Variants in SUFU observed in about 807,000 individuals in gnomAD.
SUFU encodes SUFU negative regulator of hedgehog signaling.
SUFU carries 7 observed loss-of-function variants against 58.9 expected under a neutral mutation model. That is an observed-to-expected ratio of 0.12 (90% CI 0.07 to 0.22). The LOEUF (loss-of-function observed/expected upper bound fraction) is 0.22. Ranked by LOEUF, SUFU falls within the 10% of genes least tolerant of loss-of-function variation. The pLI is 1.00. For missense variants in SUFU, 451 were observed against 641.3 expected, an observed-to-expected ratio of 0.70 and a Z score of 3.20; for synonymous variants, 232 against 254.8, an observed-to-expected ratio of 0.91 and a Z score of 0.85.
At position 102,544,149 on chromosome 10, in the gene SUFU, A is replaced by G. The variant is rs2062831230; in HGVS notation, c.318-5821A>G. On this transcript the variant is annotated intron_variant, in intron 2 of 11. Transcript: ENST00000369902. ...TATACAGACTTCAAGTTCTAGCTCT[A>G]TCACTTGTTCTGTGATTTATGGACT... Among the ~76,000 whole-genome samples, 3 of 152,164 alleles carry G rather than the reference A, an allele frequency of 2.0e-5. No homozygotes were observed. The South Asian group carries it at 6.2e-4, about 32-fold the overall frequency.
At chr10:102,549,854 G>A in intron 2 of SUFU, 116 bp from the exon 3 acceptor site, 2 of 1,350,030 alleles carry the variant, frequency 1.5e-6, no homozygotes, top group Non-Finnish European at 2.1e-6. Flanking sequence ...ATACTCCTCT[G>A]AATGGAGGAT....
chr10:102,551,470 T>A (rs2062914081), intron 3 of SUFU, among the ~76,000 whole-genome samples: 1 of 151,816 alleles, frequency 6.6e-6, no homozygotes, highest in African/African-American at 2.4e-5. Context: ...AAACCCTGTG[T>A]CTACTGAAAA....
intron 3 of SUFU, among the ~76,000 whole-genome samples, chr10:102,560,751 C>T (rs2063029199): frequency 6.6e-6 from 1 of 152,146 alleles, no homozygotes; most frequent in South Asian, 2.1e-4. Context: ...TATTGTTAGA[C>T]ATTTGGGTCA....
At chr10:102,627,955 G>A (rs765114825) in intron 11 of SUFU, among the ~76,000 whole-genome samples, 16 of 152,200 alleles carry the variant, frequency 1.1e-4, no homozygotes, top group Non-Finnish European at 1.9e-4. Context: ...CAGCACCCCA[G>A]TGGGATGGGA....
At chr10:102,612,693 AC>A (rs2063639271) in intron 8 of SUFU, among the ~76,000 whole-genome samples, 1 of 152,082 alleles carries the variant, frequency 6.6e-6, no homozygotes, top group Non-Finnish European at 1.5e-5. Context: ...TCTCAGGAGG[AC>A]AGTAGTGTGT....
At chr10:102,600,778 C>T in intron 8 of SUFU, among the ~76,000 whole-genome samples, 1 of 152,214 alleles carries the variant, frequency 6.6e-6, no homozygotes, top group East Asian at 1.9e-4. Context: ...TAGAGTTACT[C>T]TGGGAACAGG....
At chr10:102,610,920 G>A (rs978604342) in intron 8 of SUFU, among the ~76,000 whole-genome samples, 2 of 152,226 alleles carry the variant, frequency 1.3e-5, no homozygotes, top group African/African-American at 4.8e-5. Flanking sequence ...GACAGAGGGA[G>A]TGCAGTGTGA....
At chr10:102,581,057 G>A (rs1180289361) in intron 3 of SUFU, among the ~76,000 whole-genome samples, 1 of 151,856 alleles carries the variant, frequency 6.6e-6, no homozygotes. Flanking sequence ...GTGTGTACCT[G>A]TGGTCCCAGC....
chr10:102,557,420 G>C (rs2062993020), intron 3 of SUFU, among the ~76,000 whole-genome samples: 1 of 151,876 alleles, frequency 6.6e-6, no homozygotes, highest in Non-Finnish European at 1.5e-5. Context: ...ACCCCACAGG[G>C]GTAGAGTGAA....
chr10:102,527,508 T>TATAC (rs751935187), intron 2 of SUFU, among the ~76,000 whole-genome samples: 249 of 151,288 alleles, frequency 1.6e-3, no homozygotes, highest in Non-Finnish European at 3.2e-3. Flanking sequence ...GATATATATA[T>TATAC]ATATATGTAT....
At chr10:102,627,305 G>C in intron 11 of SUFU, 62 bp downstream of exon 11, 1 of 1,433,528 alleles carries the variant, frequency 7.0e-7, no homozygotes, top group Admixed American at 1.7e-5. Context: ...GTGTGCGTGC[G>C]TGTGCACGTC....
At chr10:102,568,300 C>G (rs886211151) in intron 3 of SUFU, among the ~76,000 whole-genome samples, 6 of 151,650 alleles carry the variant, frequency 4.0e-5, no homozygotes, top group African/African-American at 1.5e-4. Context: ...ATGTTAATAG[C>G]TGAGAAATGG....
At chr10:102,560,109 C>T (rs192832306) in intron 3 of SUFU, among the ~76,000 whole-genome samples, 54 of 152,290 alleles carry the variant, frequency 3.5e-4, no homozygotes, top group Middle Eastern at 6.8e-3. Flanking sequence ...ATTTTCTTCC[C>T]TTTCCCCTGT....
rs375925954 is a variant in SUFU, at chr10:102,619,042, C to T, written c.1296+1614C>T. 1.9e-6 allele frequency: 3 copies of T among 1,611,540 alleles called. No homozygotes were observed. Among genetic ancestry groups the T allele is most frequent in the Non-Finnish European group, 2.5e-6 (3 of 1,179,518 alleles). ...GGGCCTCCCCAAACTGCAGAATCTA[C>T]CCAGTTATGTTTGACATCCTCAGCT... On this transcript the variant is annotated intron_variant, in intron 10 of 11. Transcript: ENST00000369902. The surrounding 1 kb of genome is among the most constrained non-coding windows in gnomAD (Gnocchi z 4.2).
At chr10:102,596,756 C>T (rs917166389) in intron 6 of SUFU, among the ~76,000 whole-genome samples, 22 of 152,202 alleles carry the variant, frequency 1.4e-4, no homozygotes, top group African/African-American at 5.3e-4. Context: ...GGAAGGATCA[C>T]ACCTCTCCTC....
intron 2 of SUFU, among the ~76,000 whole-genome samples, chr10:102,510,042 T>C (rs1329543515): frequency 1.3e-5 from 2 of 151,772 alleles, no homozygotes; most frequent in Admixed American, 6.6e-5. Flanking sequence ...GGTTTCACCA[T>C]GTTGCCCAGG....
intron 6 of SUFU, among the ~76,000 whole-genome samples, chr10:102,595,011 C>T (rs1057087792): frequency 2.6e-5 from 4 of 152,192 alleles, no homozygotes; most frequent in Non-Finnish European, 4.4e-5. Flanking sequence ...TGAGCTAGTG[C>T]GCCTGGCCCA....
chr10:102,589,054 C>T (rs1362658210), intron 3 of SUFU, among the ~76,000 whole-genome samples: 1 of 152,042 alleles, frequency 6.6e-6, no homozygotes, highest in Non-Finnish European at 1.5e-5. Context: ...TCCCAGATAG[C>T]TGCAGCTACA....
chr10:102,545,213 G>T (rs1027439202), intron 2 of SUFU, among the ~76,000 whole-genome samples: 21 of 151,060 alleles, frequency 1.4e-4, no homozygotes, highest in Middle Eastern at 3.5e-3. Flanking sequence ...CGGCTCAGAT[G>T]ATTTTCCCAC....
Sources: allele counts gnomAD v4.1 joint callset (sites outside exome capture counted in the v4.1 genomes callset), GRCh38; gene constraint gnomAD v4.1.1; non-coding constraint Gnocchi (gnomAD v3.1); transcripts MANE v1.5; gene names NCBI Gene and HGNC (gene_info 2026-07-23, HGNC 2026-07-21).